ULK4: variants seen among roughly 807,000 people sequenced by gnomAD.
The protein encoded by ULK4 is unc-51 like kinase 4.
In ULK4, 133 loss-of-function variants were observed where a neutral mutation model predicts 160.6. The observed-to-expected ratio is 0.83, with a 90% confidence interval of 0.72 to 0.96. The LOEUF (loss-of-function observed/expected upper bound fraction) is 0.96, where lower values mean the gene tolerates loss of function less well. Ranked by LOEUF, ULK4 falls within the 40% of genes least tolerant of loss-of-function variation. The pLI is 0.00. For missense variants in ULK4, 1,580 were observed against 1,499.5 expected (o/e 1.05, Z -0.89); for synonymous variants, 534 against 539.8 (o/e 0.99, Z 0.15).
intron 20 of ULK4, among the ~76,000 whole-genome samples, chr3:41,794,977 C>T: frequency 6.6e-6 from 1 of 152,012 alleles, no homozygotes; most frequent in Non-Finnish European, 1.5e-5. Flanking sequence ...AAGATGGAAC[C>T]AAAGAGGTAG....
At chr3:41,786,479 G>C (rs2039999632) in intron 21 of ULK4, among the ~76,000 whole-genome samples, 1 of 151,662 alleles carries the variant, frequency 6.6e-6, no homozygotes, top group Non-Finnish European at 1.5e-5. Context: ...GTGCACGCCA[G>C]TAGTCCCAGC....
intron 18 of ULK4, among the ~76,000 whole-genome samples, chr3:41,821,957 C>T (rs1036258962): frequency 2.0e-5 from 3 of 152,146 alleles, no homozygotes; most frequent in Non-Finnish European, 4.4e-5. Context: ...ACTGACTTTC[C>T]CTTTCCTGAA....
At chr3:41,743,816 C>A (rs2125883711) in intron 22 of ULK4, among the ~76,000 whole-genome samples, 1 of 151,974 alleles carries the variant, frequency 6.6e-6, no homozygotes, top group South Asian at 2.1e-4. Context: ...CAGGCGCACA[C>A]AACCATGCAC....
chr3:41,603,662 C>A (rs972002759), intron 31 of ULK4, among the ~76,000 whole-genome samples: 11 of 151,656 alleles, frequency 7.3e-5, no homozygotes, highest in African/African-American at 2.4e-4. Context: ...ACACATTGTA[C>A]CAGTGCAGAT....
At chr3:41,743,570 TAATA>T (rs1054275105) in intron 22 of ULK4, among the ~76,000 whole-genome samples, 21 of 152,020 alleles carry the variant, frequency 1.4e-4, no homozygotes, top group Non-Finnish European at 1.8e-4. Flanking sequence ...AATTTACTTC[TAATA>T]AATTTCTTAA....
chr3:41,787,584 C>T (rs897942751), intron 21 of ULK4, among the ~76,000 whole-genome samples: 19 of 152,158 alleles, frequency 1.2e-4, no homozygotes, highest in Admixed American at 3.9e-4. Flanking sequence ...CATCCACCAC[C>T]ACCCAAAATG....
At chr3:41,374,514 G>C (rs1213121883) in intron 35 of ULK4, among the ~76,000 whole-genome samples, 2 of 151,908 alleles carry the variant, frequency 1.3e-5, no homozygotes, top group Non-Finnish European at 2.9e-5. Context: ...ATCCATCATA[G>C]AAAAAGAACC....
At chr3:41,391,928 C>T (rs1015743275) in intron 35 of ULK4, among the ~76,000 whole-genome samples, 2 of 152,086 alleles carry the variant, frequency 1.3e-5, no homozygotes, top group Non-Finnish European at 2.9e-5. Context: ...GAGTTAGTAA[C>T]ATCAGCATAT....
intron 22 of ULK4, among the ~76,000 whole-genome samples, chr3:41,720,772 T>C (rs1018473889): frequency 6.6e-6 from 1 of 152,184 alleles, no homozygotes; most frequent in Non-Finnish European, 1.5e-5. Flanking sequence ...ACTGATACTC[T>C]AGTTCATTGC....
chr3:41,347,321 A>C (rs1299166800), intron 35 of ULK4, among the ~76,000 whole-genome samples: 2 of 152,234 alleles, frequency 1.3e-5, no homozygotes, highest in Admixed American at 1.3e-4. Context: ...AAAAATCATA[A>C]AATAAAGAAT....
chr3:41,705,000 T>C (rs2036820749), intron 27 of ULK4, 57 bp downstream of exon 27: 5 of 1,414,600 alleles, frequency 3.5e-6, no homozygotes, highest in East Asian at 2.3e-5. Context: ...CCTCTTTATA[T>C]AAGGAATTAC....
chr3:41,827,759 A>G (rs992932170), intron 18 of ULK4, among the ~76,000 whole-genome samples: 1 of 152,134 alleles, frequency 6.6e-6, no homozygotes, highest in East Asian at 1.9e-4. Flanking sequence ...AAACTATTCC[A>G]ATCAATAGAA....
chr3:41,501,247 C>T (rs1559653744), intron 32 of ULK4, among the ~76,000 whole-genome samples: 1 of 152,176 alleles, frequency 6.6e-6, no homozygotes, highest in African/African-American at 2.4e-5. Context: ...TAATCAATCC[C>T]AGCACTTTGG....
At chr3:41,726,287 T>C (rs575776482) in intron 22 of ULK4, among the ~76,000 whole-genome samples, 1 of 152,314 alleles carries the variant, frequency 6.6e-6, no homozygotes, top group African/African-American at 2.4e-5. Flanking sequence ...CATAACAGTT[T>C]AAAACTAACT....
Position 41,539,375 on chromosome 3 carries a change from C to A in ULK4, c.3226+26650G>T, listed in dbSNP as rs193108157. ...ATTTACTGAATCTCCGATCACTACT[C>A]TGTACCACCTACTTGCTCTCCCCAA... On this transcript the variant is annotated intron_variant, in intron 32 of 36. Transcript: ENST00000301831. 2.2e-3 allele frequency among the ~76,000 whole-genome samples: 331 copies of A among 152,272 alleles called. 2 individuals are homozygous for A. The highest frequency in any genetic ancestry group is 0.019 in the South Asian group (94 of 4,824).
intron 35 of ULK4, among the ~76,000 whole-genome samples, chr3:41,376,637 G>T (rs1220362706): frequency 7.2e-6 from 1 of 139,106 alleles, no homozygotes; most frequent in Non-Finnish European, 1.6e-5. Flanking sequence ...GCTTCAAAGA[G>T]AATAAAATAC....
intron 16 of ULK4, among the ~76,000 whole-genome samples, chr3:41,889,359 C>T (rs1339327366): frequency 1.8e-4 from 27 of 151,946 alleles, no homozygotes; most frequent in Non-Finnish European, 4.0e-4. Context: ...AGAAAATGAA[C>T]AAAACCTTTC....
intron 16 of ULK4, among the ~76,000 whole-genome samples, chr3:41,889,931 T>A (rs909087998): frequency 1.2e-4 from 18 of 152,216 alleles, no homozygotes; most frequent in African/African-American, 4.3e-4. Context: ...ATAAAAAGAA[T>A]GAAGTATTCA....
chr3:41,440,129 A>G (rs1427568100), intron 34 of ULK4, among the ~76,000 whole-genome samples: 2 of 152,178 alleles, frequency 1.3e-5, no homozygotes, highest in African/African-American at 4.8e-5. Context: ...CATAGACATC[A>G]TGTCATCTAT....
Sources: gnomAD v4.1 joint callset for allele counts (sites outside exome capture counted in the v4.1 genomes callset) on GRCh38, gnomAD v4.1.1 for gene constraint, MANE v1.5 for transcripts, NCBI Gene and HGNC (gene_info 2026-07-23, HGNC 2026-07-21) for gene names.